Variants in SUN2 observed in about 807,000 individuals in gnomAD.
SUN2 encodes the protein SUN domain-containing protein 2.
A neutral mutation model predicts 100.0 loss-of-function variants in SUN2; 60 were observed. The ratio of observed to expected loss-of-function variants is 0.60; its 90% CI spans 0.49 to 0.74. The LOEUF (loss-of-function observed/expected upper bound fraction) is 0.74. Ranked by LOEUF, SUN2 falls within the 30% of genes least tolerant of loss-of-function variation. The pLI is 0.00. For missense variants in SUN2, 834 were observed against 954.6 expected (o/e 0.87, Z 1.66); for synonymous variants, 367 against 403.3 (o/e 0.91, Z 1.08).
chr22:38,746,765 C>T (rs2092906736), intron 7 of SUN2, among the ~76,000 whole-genome samples: 1 of 152,370 alleles, frequency 6.6e-6, no homozygotes, highest in South Asian at 2.1e-4. Context: ...GGCGCGGTGG[C>T]TCACGCCTGT....
intron 9 of SUN2, 149 bp from the exon 10 acceptor site, chr22:38,741,720 C>T (rs1304529561): frequency 1.6e-5 from 11 of 684,562 alleles, no homozygotes; most frequent in African/African-American, 3.5e-5. Flanking sequence ...GCAAGACTCC[C>T]GCTTCAGCTC....
chr22:38,737,862 G>A lies in SUN2; in HGVS notation c.2040+311C>T, dbSNP rs1336089244. 2.8e-5 allele frequency: 16 copies of A among 569,442 alleles called. 1 individual carries two copies. The highest frequency in any genetic ancestry group is 4.8e-5 in the Non-Finnish European group (14 of 292,930). The allele number at this position is 569,442 out of a possible 1,614,324, so 35.3% of individuals were successfully genotyped here. A position where few individuals can be genotyped will look rare whatever the true frequency, so the allele number is the denominator to read the frequency against. The stretch of plus-strand genomic sequence containing the variant: ...TGCCCGCGCCCTGGCATGTGCTGGC[G>A]GCGGCTCCTCGAACGCCTCTCCCGG... On this transcript the variant is annotated intron_variant, in intron 17 of 17. Transcript: ENST00000689035. The surrounding 1 kb of genome is among the most constrained non-coding windows in gnomAD (Gnocchi z 4.1).
At chr22:38,746,980 G>A (rs1375854257) in intron 7 of SUN2, among the ~76,000 whole-genome samples, 2 of 151,618 alleles carry the variant, frequency 1.3e-5, no homozygotes, top group Non-Finnish European at 2.9e-5. Context: ...CTTGCAGTGA[G>A]TCAAGATCGC....
chr22:38,740,167 G>T lies in SUN2; in HGVS notation c.1356+100C>A. On this transcript the variant is annotated intron_variant, in intron 12 of 17. Transcript: ENST00000689035. This position sits in a 1 kb window ranked among gnomAD's most constrained non-coding sequence, Gnocchi z 4.8. Reference sequence around the variant, plus strand: ...ACGCCACAGTCTCTTGGGCATAACAGAGGCTGCAGGGGCAAGGGGTGCTGC... The same window carrying T: ...ACGCCACAGTCTCTTGGGCATAACATAGGCTGCAGGGGCAAGGGGTGCTGC... 1 of 1,404,340 alleles carries T rather than the reference G, an allele frequency of 7.1e-7. No homozygotes were observed. Among genetic ancestry groups the T allele is most frequent in the Non-Finnish European group, 9.4e-7 (1 of 1,065,032 alleles). The allele number at this position is 1,404,340 out of a possible 1,614,324, so 87.0% of individuals were successfully genotyped here.
At chr22:38,752,875 G>A (rs940981007) in intron 1 of SUN2, among the ~76,000 whole-genome samples, 1 of 152,234 alleles carries the variant, frequency 6.6e-6, no homozygotes, top group African/African-American at 2.4e-5. Flanking sequence ...CTGGAGTCAC[G>A]CCCGGCCTGG....
At position 38,740,888 on chromosome 22, in the gene SUN2, C is replaced by T. The variant is rs2092851323; in HGVS notation, c.1190+119G>A. On this transcript the variant is annotated intron_variant, in intron 11 of 17. Transcript: ENST00000689035. The surrounding 1 kb of genome is among the most constrained non-coding windows in gnomAD (Gnocchi z 4.8). ...AGCTGGGTTTCAACCCCTCCCCCTACCATCTGCTTGGCAAGATGATCAGAA... is the reference window on the plus strand; with the variant it reads ...AGCTGGGTTTCAACCCCTCCCCCTATCATCTGCTTGGCAAGATGATCAGAA... The T allele has an allele frequency of 5.2e-6, 6 of 1,143,822 alleles. No homozygotes were observed. In the Admixed American group the frequency reaches 6.0e-5, roughly 11 times the overall value. The allele number at this position is 1,143,822 out of a possible 1,614,324, so 70.9% of individuals were successfully genotyped here. A position where few individuals can be genotyped will look rare whatever the true frequency, so the allele number is the denominator to read the frequency against.
intron 10 of SUN2, 37 bp from the exon 11 acceptor site, chr22:38,741,087 A>G: frequency 6.4e-7 from 1 of 1,572,970 alleles, no homozygotes; most frequent in Non-Finnish European, 8.6e-7. Context: ...AGAAATACTC[A>G]TCTCAGAAAT....
chr22:38,746,760 G>T (rs1255106820), intron 7 of SUN2, among the ~76,000 whole-genome samples: 2 of 152,216 alleles, frequency 1.3e-5, no homozygotes, highest in Non-Finnish European at 2.9e-5. Context: ...GGCCGGGCGC[G>T]GTGGCTCACG....
intron 2 of SUN2, among the ~76,000 whole-genome samples, chr22:38,752,151 T>C (rs569602585): frequency 1.3e-5 from 2 of 152,296 alleles, no homozygotes; most frequent in South Asian, 4.1e-4. Context: ...ATTTTTGTAT[T>C]TTTAGTAGAG....
rs972548112 is a variant in SUN2, at chr22:38,749,633, G to A, written c.614+133C>T. The A allele has an allele frequency of 1.7e-5, 14 of 808,172 alleles. No homozygotes were observed. The South Asian group carries it at 1.8e-4, about 10-fold the overall frequency. The allele number at this position is 808,172 out of a possible 1,614,324, so 50.1% of individuals were successfully genotyped here. A position where few individuals can be genotyped will look rare whatever the true frequency, so the allele number is the denominator to read the frequency against. On this transcript the variant is annotated intron_variant, in intron 6 of 17. Transcript: ENST00000689035. ...GGGTGGGCTTTGGGGAAGCTACTCCGTGATCGCTAATAAAGGCTCCAGGGA... is the reference window on the plus strand; with the variant it reads ...GGGTGGGCTTTGGGGAAGCTACTCCATGATCGCTAATAAAGGCTCCAGGGA...
chr22:38,737,099 G>A lies in SUN2; in HGVS notation c.2041-719C>T, dbSNP rs2092812426. Among the ~76,000 whole-genome samples, 1 of 152,084 alleles carries A rather than the reference G, an allele frequency of 6.6e-6. No homozygotes were observed. The highest frequency in any genetic ancestry group is 1.5e-5 in the Non-Finnish European group (1 of 68,014). On this transcript the variant is annotated intron_variant, in intron 17 of 17. Transcript: ENST00000689035. The surrounding 1 kb of genome is among the most constrained non-coding windows in gnomAD (Gnocchi z 4.1). ...TGGGCTCAAGCAATCCCCTCGCCTT[G>A]GCCTTGCAAAGTGCTGGAATTACAG...
intron 8 of SUN2, chr22:38,742,764 C>T (rs553766725): frequency 2.2e-5 from 13 of 600,772 alleles, no homozygotes; most frequent in African/African-American, 5.6e-5. Flanking sequence ...CACTGGGTGC[C>T]GGCCACAGAG....
Position 38,751,228 on chromosome 22 carries a change from G to A in SUN2, c.268C>T (p.His90Tyr), listed in dbSNP as rs2092943369. ...CACTCACCCCAGTTGGCGTCACCATGCAGTTCCTCCAGGGAGCTCCTGGGT... is the reference window on the plus strand; with the variant it reads ...CACTCACCCCAGTTGGCGTCACCATACAGTTCCTCCAGGGAGCTCCTGGGT... The part of the protein sequence containing the change: ...FPPRSSLEEL[H>Y]GDANWGEDLR... The change falls in exon 3 of 18, where the codon CAT becomes TAT. Residue 90 changes from histidine (H) to tyrosine (Y), a missense_variant. This residue lies in a region of SUN2 where 559 missense variants were observed against 597.7 expected (regional missense o/e 0.94). Transcript: ENST00000689035. 1.2e-6 allele frequency: 2 copies of A among 1,613,212 alleles called. No individual in the cohort carries two copies. The highest frequency in any genetic ancestry group is 1.7e-6 in the Non-Finnish European group (2 of 1,179,266).
chr22:38,741,179 C>CA (rs1455928881), intron 10 of SUN2, 129 bp from the exon 11 acceptor site: 6 of 1,036,502 alleles, frequency 5.8e-6, no homozygotes, highest in Non-Finnish European at 5.8e-6. Context: ...ACCCCTGCAG[C>CA]AAAAATCAAA....
intron 2 of SUN2, 139 bp downstream of exon 2, chr22:38,752,368 G>A (rs568209658): frequency 6.5e-4 from 700 of 1,069,456 alleles, no homozygotes; most frequent in Non-Finnish European, 8.9e-4. Context: ...CCCCTCGACC[G>A]GACGGGGGCC....
chr22:38,748,008 T>C (rs1843000938), intron 7 of SUN2, among the ~76,000 whole-genome samples: 1 of 151,570 alleles, frequency 6.6e-6, no homozygotes, highest in Admixed American at 6.6e-5. Flanking sequence ...AGCTGGTAAG[T>C]GACTGGTGTA....
rs2092813638 is a variant in SUN2, at chr22:38,737,240, C to A, written c.2041-860G>T. ...ACTCAGTTCTTTCTGGCTCCCCCGA[C>A]AGCTCCACTGGACTGTTCCATAGGT... On this transcript the variant is annotated intron_variant, in intron 17 of 17. Coordinates refer to ENST00000689035, the MANE Select transcript of SUN2 (RefSeq NM_015374.3). The surrounding 1 kb of genome is among the most constrained non-coding windows in gnomAD (Gnocchi z 4.1). Among the ~76,000 whole-genome samples the A allele has an allele frequency of 6.6e-6, 1 of 152,150 alleles. No individual in the cohort carries two copies. The highest frequency in any genetic ancestry group is 2.1e-4 in the South Asian group (1 of 4,824).
Position 38,755,279 on chromosome 22 carries a change from A to G in SUN2, c.-38+484T>C, listed in dbSNP as rs1341970526. ...CATTCCCACAGGCCAAACCTGCAGA[A>G]ATTGTCACCAAAGGCGCGCCTCCTG... On this transcript the variant is annotated intron_variant, in intron 1 of 17. Transcript: ENST00000689035. The surrounding 1 kb of genome is among the most constrained non-coding windows in gnomAD (Gnocchi z 5.7). The G allele has an allele frequency of 8.9e-7, 1 of 1,124,240 alleles. No individual in the cohort carries two copies. The highest frequency in any genetic ancestry group is 6.9e-5 in the East Asian group (1 of 14,592). 69.6% of individuals were successfully genotyped at this position (1,124,240 alleles called of 1,614,324 possible).
rs190772730 is a variant in SUN2 at position 38,746,508 on chromosome 22, G to T, written c.686-697C>A. On this transcript the variant is annotated intron_variant, in intron 7 of 17. Coordinates refer to ENST00000689035, the MANE Select transcript of SUN2 (RefSeq NM_015374.3). ...ATTCGCTACTCAAGCACCAGAGGTT[G>T]GCAGGTGCAAAAGGAAGCTCATGCC... Among the ~76,000 whole-genome samples, 99 of 152,330 alleles carry T rather than the reference G, an allele frequency of 6.5e-4. 1 individual carries two copies. Among genetic ancestry groups the T allele is most frequent in the African/African-American group, 2.1e-3 (89 of 41,576 alleles).
Sources: gnomAD v4.1 joint callset for allele counts (sites outside exome capture counted in the v4.1 genomes callset) on GRCh38, gnomAD v4.1.1 for gene constraint, gnomAD v4.1.1 regional missense constraint, Gnocchi (gnomAD v3.1) non-coding constraint, MANE v1.5 for transcripts, NCBI Gene and HGNC (gene_info 2026-07-23, HGNC 2026-07-21) for gene names.